The following IFI16 variants were observed in gnomAD, a reference collection of about 807,000 sequenced individuals.
IFI16 encodes the protein gamma-interferon-inducible protein 16.
In IFI16, 49 loss-of-function variants were observed where a neutral mutation model predicts 68.4. The ratio of observed to expected loss-of-function variants is 0.72; its 90% confidence interval spans 0.57 to 0.91. The LOEUF (loss-of-function observed/expected upper bound fraction) is 0.91, where lower values mean the gene tolerates loss of function less well. IFI16 is among the 40% of genes least tolerant of loss of function. The probability of loss-of-function intolerance (pLI) is 0.00; values close to 1 mark genes in which losing one functional copy is unlikely to be tolerated. For synonymous variants in IFI16, 307 were observed against 315.0 expected (o/e 0.97, Z 0.27); for missense variants, 878 against 942.9 (o/e 0.93, Z 0.90).
chr1:159,006,554 T>G (rs1003939859), upstream of IFI16, among the ~76,000 whole-genome samples: 4 of 152,184 alleles, frequency 2.6e-5, no homozygotes, highest in Non-Finnish European at 5.9e-5. Context: ...GGCCAACTCC[T>G]TACTAAAGGG....
At chr1:159,050,943 A>T (rs1476205130) in intron 9 of IFI16, among the ~76,000 whole-genome samples, 2 of 152,192 alleles carry the variant, frequency 1.3e-5, no homozygotes, top group Non-Finnish European at 2.9e-5. Context: ...TTGGTTCTTT[A>T]AAATGCCCCT....
In IFI16 at chr1:159,037,709, C is replaced by T. The variant is rs957659575; in HGVS notation, c.1329+5018C>T. 3.3e-5 allele frequency among the ~76,000 whole-genome samples: 5 copies of T among 151,806 alleles called. No homozygotes were observed. In the East Asian group the frequency reaches 5.8e-4, roughly 18 times the overall value. ...TCAACTTATTTTGAAAAGAAAATTA[C>T]TCAAGACAGTTTTATCAATGCTATT... On this transcript the variant is annotated intron_variant, in intron 7 of 11. Transcript: ENST00000295809.
intron 7 of IFI16, among the ~76,000 whole-genome samples, chr1:159,041,729 C>T (rs1654655586): frequency 6.6e-6 from 1 of 152,148 alleles, no homozygotes; most frequent in Non-Finnish European, 1.5e-5. Context: ...AGACTATAAT[C>T]CTGGTCCTGT....
intron 6 of IFI16, among the ~76,000 whole-genome samples, chr1:159,027,944 A>T (rs1653773784): frequency 6.6e-6 from 1 of 151,260 alleles, no homozygotes; most frequent in Non-Finnish European, 1.5e-5. Context: ...AGTTTTGTTT[A>T]TTTTTTCAAA....
intron 9 of IFI16, among the ~76,000 whole-genome samples, chr1:159,051,070 T>G (rs1010580468): frequency 6.6e-6 from 1 of 152,076 alleles, no homozygotes; most frequent in Non-Finnish European, 1.5e-5. Flanking sequence ...TTTTATTTGG[T>G]CACTGTCATA....
intron 7 of IFI16, among the ~76,000 whole-genome samples, chr1:159,042,977 CATT>C (rs1654756686): frequency 6.6e-6 from 1 of 152,172 alleles, no homozygotes; most frequent in African/African-American, 2.4e-5. Context: ...CTAAGATTTA[CATT>C]ATTATTCTCC....
intron 6 of IFI16, among the ~76,000 whole-genome samples, chr1:159,021,939 C>CTTTTTTTTTTTTTT (rs56149308): frequency 1.6e-5 from 1 of 61,700 alleles, no homozygotes; most frequent in African/African-American, 6.3e-5. Context: ...GCCCTTAGCC[C>CTTTTTTTTTTTTTT]TTTTTTTTTT....
intron 10 of IFI16, 57 bp from the exon 11 acceptor site, chr1:159,053,476 T>C: frequency 7.7e-7 from 1 of 1,301,214 alleles, no homozygotes; most frequent in Admixed American, 1.9e-5. Context: ...GTATTTCTCA[T>C]AGATTTGAAA....
chr1:159,023,163 A>G (rs370483886), intron 6 of IFI16, among the ~76,000 whole-genome samples: 1 of 152,112 alleles, frequency 6.6e-6, no homozygotes, highest in Admixed American at 6.5e-5. Flanking sequence ...TTAGAAAAAG[A>G]GTTATTTATT....
rs1655594253 is a variant in IFI16, at chr1:159,054,967, A to G, written c.*66A>G. 1 of 839,376 alleles carries G rather than the reference A, an allele frequency of 1.2e-6. No homozygotes were observed. Among genetic ancestry groups the G allele is most frequent in the Admixed American group, 2.0e-5 (1 of 49,296 alleles). The allele number at this position is 839,376 out of a possible 1,614,324, so 52.0% of individuals were successfully genotyped here. A position where few individuals can be genotyped will look rare whatever the true frequency, so the allele number is the denominator to read the frequency against. Reference sequence around the variant, plus strand: ...TCTAAGTGCCTAAAAAAATGTACATATACCTGGTTGAAATACAACACTATA... The same window carrying G: ...TCTAAGTGCCTAAAAAAATGTACATGTACCTGGTTGAAATACAACACTATA... On this transcript the variant is annotated 3_prime_UTR_variant, in exon 12 of 12. Coordinates refer to ENST00000295809, the MANE Select transcript of IFI16 (RefSeq NM_001376587.1).
intron 6 of IFI16, among the ~76,000 whole-genome samples, chr1:159,023,054 T>C (rs1465538805): frequency 6.6e-6 from 1 of 152,188 alleles, no homozygotes; most frequent in African/African-American, 2.4e-5. Flanking sequence ...GGGAATAATA[T>C]AACAGCCTAC....
At chr1:159,015,058 T>C in intron 2 of IFI16, 113 bp downstream of exon 2, 1 of 1,025,328 alleles carries the variant, frequency 9.8e-7, no homozygotes, top group Non-Finnish European at 1.4e-6. Context: ...AGTTTGTGAC[T>C]CAACAGCTGA....
intron 4 of IFI16, among the ~76,000 whole-genome samples, chr1:159,017,664 G>A (rs856044): frequency 1.3e-5 from 2 of 151,802 alleles, no homozygotes; most frequent in African/African-American, 4.9e-5. Flanking sequence ...CTGAAGTGCC[G>A]TGGCATAATC....
intron 5 of IFI16, among the ~76,000 whole-genome samples, chr1:159,019,361 A>G (rs1423920223): frequency 2.0e-5 from 3 of 152,088 alleles, no homozygotes; most frequent in Non-Finnish European, 2.9e-5. Context: ...AAAAGCATCT[A>G]TCCTCTGCTA....
chr1:159,006,491 C>G (rs1435149730), upstream of IFI16, among the ~76,000 whole-genome samples: 1 of 152,144 alleles, frequency 6.6e-6, no homozygotes, highest in Non-Finnish European at 1.5e-5. Flanking sequence ...GTTGGTGTTA[C>G]TACCTTATCA....
At chr1:159,029,168 C>T (rs1653844936) in intron 6 of IFI16, among the ~76,000 whole-genome samples, 1 of 152,218 alleles carries the variant, frequency 6.6e-6, no homozygotes, top group South Asian at 2.1e-4. Flanking sequence ...CTCTTTTTAG[C>T]AGTTCTTGTA....
At chr1:159,033,753 G>A (rs964298008) in intron 7 of IFI16, among the ~76,000 whole-genome samples, 25 of 152,146 alleles carry the variant, frequency 1.6e-4, no homozygotes, top group Non-Finnish European at 1.5e-4. Flanking sequence ...TATTAGTCAC[G>A]TAACAGTTAC....
At chr1:159,002,996 T>C (rs1406800718), upstream of IFI16, among the ~76,000 whole-genome samples, 1 of 152,230 alleles carries the variant, frequency 6.6e-6, no homozygotes, top group Non-Finnish European at 1.5e-5. Context: ...ACCATATCTA[T>C]CTACTTGTAG....
intron 7 of IFI16, among the ~76,000 whole-genome samples, chr1:159,040,134 G>T (rs1203952904): frequency 6.6e-6 from 1 of 152,226 alleles, no homozygotes; most frequent in African/African-American, 2.4e-5. Context: ...TATGTCAAGA[G>T]AATGGGTAAA....
Sources: allele counts gnomAD v4.1 joint callset (sites outside exome capture counted in the v4.1 genomes callset), GRCh38; gene constraint gnomAD v4.1.1; transcripts MANE v1.5; gene names NCBI Gene and HGNC (gene_info 2026-07-23, HGNC 2026-07-21).